MAF: variants seen among roughly 807,000 people sequenced by gnomAD.
The protein encoded by MAF is transcription factor Maf.
MAF carries 10 observed loss-of-function variants against 22.0 expected under a neutral mutation model. The observed-to-expected ratio is 0.45, with a 90% CI of 0.28 to 0.77. The LOEUF (loss-of-function observed/expected upper bound fraction) is 0.77, where lower values mean the gene tolerates loss of function less well. MAF is among the 30% of genes least tolerant of loss of function. The pLI is 0.12. For synonymous variants in MAF, 337 were observed against 255.8 expected (o/e 1.32, Z -3.03); for missense variants, 544 against 548.4 (o/e 0.99, Z 0.08).
chr16:79,271,088 T>TTTTTTTG, the MAF span, among the ~76,000 whole-genome samples: 2 of 143,046 alleles, frequency 1.4e-5, no homozygotes, highest in Admixed American at 7.0e-5. Context: ...TTTTTATTTT[T>TTTTTTTG]TATTTTTAGT....
the MAF span, among the ~76,000 whole-genome samples, chr16:79,388,578 C>G: frequency 1.3e-5 from 2 of 152,308 alleles, no homozygotes. Context: ...GCAGTGCTCT[C>G]TCTCTATCTA....
chr16:79,485,833 G>A, the MAF span, among the ~76,000 whole-genome samples: 1 of 152,070 alleles, frequency 6.6e-6, no homozygotes, highest in African/African-American at 2.4e-5. Context: ...TGGCCCAGGG[G>A]CGGCCAGCGG....
chr16:79,255,247 T>C, the MAF span, among the ~76,000 whole-genome samples: 3 of 152,250 alleles, frequency 2.0e-5, no homozygotes, highest in Non-Finnish European at 4.4e-5. Flanking sequence ...AATGGTTAGC[T>C]TTGCCTTTTC....
chr16:79,517,737 G>A, the MAF span, among the ~76,000 whole-genome samples: 1 of 152,046 alleles, frequency 6.6e-6, no homozygotes, highest in African/African-American at 2.4e-5. Context: ...ATCATGCCCG[G>A]CTAATTTTTG....
chr16:79,420,942 G>C, the MAF span, among the ~76,000 whole-genome samples: 1 of 152,046 alleles, frequency 6.6e-6, no homozygotes, highest in Non-Finnish European at 1.5e-5. Context: ...GCTGAGACAG[G>C]AGAATCGCTG....
the MAF span, among the ~76,000 whole-genome samples, chr16:79,373,899 A>G: frequency 6.6e-6 from 1 of 152,252 alleles, no homozygotes; most frequent in African/African-American, 2.4e-5. Context: ...TATGTGCAAC[A>G]TAAAATAGAC....
At chr16:79,538,683 G>A in the MAF span, among the ~76,000 whole-genome samples, 1 of 151,944 alleles carries the variant, frequency 6.6e-6, no homozygotes, top group Non-Finnish European at 1.5e-5. Flanking sequence ...AATCACCTGG[G>A]AACATGGTGG....
At chr16:79,428,846 G>GAAAAAA in the MAF span, among the ~76,000 whole-genome samples, 3 of 72,838 alleles carry the variant, frequency 4.1e-5, no homozygotes, top group African/African-American at 5.3e-5. Context: ...CCCTGTCTCA[G>GAAAAAA]AAAAATAATA....
the MAF span, among the ~76,000 whole-genome samples, chr16:79,521,326 G>C: frequency 6.6e-6 from 1 of 152,226 alleles, no homozygotes; most frequent in Non-Finnish European, 1.5e-5. Context: ...TTCAACCACT[G>C]TTGGTTTAAT....
the MAF span, among the ~76,000 whole-genome samples, chr16:79,557,763 C>T: frequency 1.3e-5 from 2 of 151,932 alleles, no homozygotes; most frequent in African/African-American, 2.4e-5. Flanking sequence ...GTGTTAAGTG[C>T]CTACTGTATG....
chr16:79,250,890 G>C, the MAF span, among the ~76,000 whole-genome samples: 2 of 152,136 alleles, frequency 1.3e-5, no homozygotes, highest in Non-Finnish European at 2.9e-5. Context: ...CTAAAACTGG[G>C]ACAGTCCCAA....
chr16:79,575,336 G>C, the MAF span, among the ~76,000 whole-genome samples: 1 of 152,144 alleles, frequency 6.6e-6, no homozygotes. Flanking sequence ...GATTGAACAA[G>C]AGATATACAC....
the MAF span, among the ~76,000 whole-genome samples, chr16:79,475,874 G>A: frequency 6.6e-6 from 1 of 152,116 alleles, no homozygotes; most frequent in Non-Finnish European, 1.5e-5. Flanking sequence ...CTGTGCTCTT[G>A]TAAAATCTCT....
At chr16:79,375,088 T>A in the MAF span, among the ~76,000 whole-genome samples, 1 of 152,200 alleles carries the variant, frequency 6.6e-6, no homozygotes, top group South Asian at 2.1e-4. Flanking sequence ...ATTTGTAGAA[T>A]GGATGGAGGA....
At chr16:79,258,482 A>G in the MAF span, among the ~76,000 whole-genome samples, 5 of 152,068 alleles carry the variant, frequency 3.3e-5, no homozygotes, top group Admixed American at 1.3e-4. Context: ...TTTGCTTCCA[A>G]ATTTTCCTCT....
chr16:79,395,228 A>T, the MAF span, among the ~76,000 whole-genome samples: 2 of 152,182 alleles, frequency 1.3e-5, no homozygotes, highest in African/African-American at 2.4e-5. Flanking sequence ...CAGGGCCTGG[A>T]TGCAAACCAA....
Position 79,597,582 on chromosome 16 carries a change from T to C in MAF, c.1118+1203A>G, listed in dbSNP as rs1025043439. On this transcript the variant is annotated intron_variant, in intron 1 of 1. Coordinates refer to ENST00000326043, the MANE Select transcript of MAF (RefSeq NM_005360.5). ...GGAATGCCTTCAGTGCATTGGGAGG[T>C]TGAAGTTCTGAGTAACTCAAAGCAG... 9.8e-6 allele frequency: 10 copies of C among 1,022,300 alleles called. No individual in the cohort carries two copies. The East Asian group carries it at 3.2e-4, about 33-fold the overall frequency. The allele number at this position is 1,022,300 out of a possible 1,614,324, so 63.3% of individuals were successfully genotyped here.
At chr16:79,476,655 G>A in the MAF span, among the ~76,000 whole-genome samples, 4 of 152,148 alleles carry the variant, frequency 2.6e-5, no homozygotes, top group African/African-American at 7.2e-5. Flanking sequence ...TTGTGAGGGC[G>A]AAAAGGAGCA....
the MAF span, among the ~76,000 whole-genome samples, chr16:79,342,840 T>C: frequency 6.6e-6 from 1 of 152,184 alleles, no homozygotes; most frequent in African/African-American, 2.4e-5. Context: ...GGTCCATGCA[T>C]AGCAGAACCA....
Sources: gnomAD v4.1 joint callset for allele counts (sites outside exome capture counted in the v4.1 genomes callset) on GRCh38, gnomAD v4.1.1 for gene constraint, MANE v1.5 for transcripts, NCBI Gene and HGNC (gene_info 2026-07-23, HGNC 2026-07-21) for gene names.